Variants in CCSER1 observed in about 807,000 individuals in gnomAD.
CCSER1 encodes serine-rich coiled-coil domain-containing protein 1.
CCSER1 carries 41 observed loss-of-function variants against 82.0 expected under a neutral mutation model. The ratio of observed to expected loss-of-function variants is 0.50; its 90% CI spans 0.39 to 0.65. CCSER1 has a LOEUF of 0.65. Ranked by LOEUF, CCSER1 falls within the 30% of genes least tolerant of loss-of-function variation. The probability of loss-of-function intolerance (pLI) is 0.00; values close to 1 mark genes in which losing one functional copy is unlikely to be tolerated. For missense variants in CCSER1, 1,119 were observed against 1,064.2 expected, an observed-to-expected ratio of 1.05 and a Z score of -0.72; for synonymous variants, 414 against 383.9, an observed-to-expected ratio of 1.08 and a Z score of -0.92.
intron 10 of CCSER1, among the ~76,000 whole-genome samples, chr4:91,270,909 A>C (rs1741975091): frequency 6.6e-6 from 1 of 152,194 alleles, no homozygotes; most frequent in Non-Finnish European, 1.5e-5. Flanking sequence ...AATAAATGTA[A>C]TGATATTCAT....
Position 91,150,758 on chromosome 4 carries a change from A to G in CCSER1, c.2217+64764A>G, listed in dbSNP as rs1581653676. On this transcript the variant is annotated intron_variant, in intron 10 of 10. Coordinates refer to ENST00000509176, the MANE Select transcript of CCSER1 (RefSeq NM_001145065.2). Reference sequence around the variant, plus strand: ...GGTTTTTGTCTTTGGTTCTGTTTATATGATGGATTACATTTATTGATTTGC... The same window carrying G: ...GGTTTTTGTCTTTGGTTCTGTTTATGTGATGGATTACATTTATTGATTTGC... 4.6e-5 allele frequency among the ~76,000 whole-genome samples: 7 copies of G among 152,240 alleles called. 1 individual carries two copies. The South Asian group carries it at 1.5e-3, about 32-fold the overall frequency.
intron 1 of CCSER1, among the ~76,000 whole-genome samples, chr4:90,208,540 C>T (rs542611394): frequency 1.7e-4 from 25 of 150,628 alleles, no homozygotes; most frequent in African/African-American, 6.1e-4. Context: ...ATTCCAGGCA[C>T]CACTGGGGTA....
At chr4:91,179,837 G>A (rs1172247237) in intron 10 of CCSER1, among the ~76,000 whole-genome samples, 1 of 152,208 alleles carries the variant, frequency 6.6e-6, no homozygotes, top group African/African-American at 2.4e-5. Flanking sequence ...GTCTAGCCTT[G>A]TTCCATTGCT....
At chr4:90,592,532 T>C (rs1191324657) in intron 5 of CCSER1, among the ~76,000 whole-genome samples, 1 of 152,202 alleles carries the variant, frequency 6.6e-6, no homozygotes, top group African/African-American at 2.4e-5. Flanking sequence ...TGCCTTGCTA[T>C]GAATAAAGTA....
intron 1 of CCSER1, among the ~76,000 whole-genome samples, chr4:90,147,991 C>A (rs917984435): frequency 6.6e-5 from 10 of 152,244 alleles, no homozygotes; most frequent in Non-Finnish European, 1.3e-4. Context: ...ATGGCAAAAC[C>A]CTGTTTCTAC....
At chr4:91,375,806 C>T (rs2149329923) in intron 10 of CCSER1, among the ~76,000 whole-genome samples, 1 of 151,794 alleles carries the variant, frequency 6.6e-6, no homozygotes, top group East Asian at 1.9e-4. Context: ...GGTACAAAAC[C>T]AAAGGGATTA....
chr4:91,428,287 T>C (rs1393620745), intron 10 of CCSER1, among the ~76,000 whole-genome samples: 4 of 152,084 alleles, frequency 2.6e-5, no homozygotes, highest in Admixed American at 6.5e-5. Context: ...AATATAATTG[T>C]ACACATTGTA....
At chr4:91,114,298 T>C (rs1200350060) in intron 10 of CCSER1, among the ~76,000 whole-genome samples, 3 of 152,330 alleles carry the variant, frequency 2.0e-5, no homozygotes, top group East Asian at 3.9e-4. Context: ...AGGGTGTATT[T>C]ACTCTGAGAC....
chr4:90,503,076 A>G (rs539293369), intron 5 of CCSER1, among the ~76,000 whole-genome samples: 2 of 152,336 alleles, frequency 1.3e-5, no homozygotes, highest in Admixed American at 1.3e-4. Context: ...TAAATGCAAA[A>G]GTCCTACAAG....
chr4:90,989,723 G>C (rs1467294137), intron 9 of CCSER1, among the ~76,000 whole-genome samples: 1 of 151,680 alleles, frequency 6.6e-6, no homozygotes, highest in Non-Finnish European at 1.5e-5. Context: ...TGATCTTTGG[G>C]TTAGAGCTTC....
intron 10 of CCSER1, among the ~76,000 whole-genome samples, chr4:91,459,714 G>A (rs1316269371): frequency 6.6e-6 from 1 of 152,114 alleles, no homozygotes; most frequent in Non-Finnish European, 1.5e-5. Context: ...CACTATACCA[G>A]AGAGTAAATC....
At chr4:90,526,575 T>C (rs1773791487) in intron 5 of CCSER1, among the ~76,000 whole-genome samples, 1 of 152,178 alleles carries the variant, frequency 6.6e-6, no homozygotes, top group South Asian at 2.1e-4. Context: ...CCTGTGTCTA[T>C]GTGTTCTCAT....
Position 90,304,273 on chromosome 4 carries a change from C to T in CCSER1, c.-41-3971C>T, listed in dbSNP as rs370018076. Among the ~76,000 whole-genome samples the T allele has an allele frequency of 6.4e-4, 98 of 152,304 alleles. 1 individual carries two copies. The highest frequency in any genetic ancestry group is 2.0e-3 in the Admixed American group (30 of 15,300). Reference sequence around the variant, plus strand: ...CAGGGATCTAGAACTACAAATACCACTTGACCCAGCCATCCCATTACTGGG... The same window carrying T: ...CAGGGATCTAGAACTACAAATACCATTTGACCCAGCCATCCCATTACTGGG... On this transcript the variant is annotated intron_variant, in intron 1 of 10. Transcript: ENST00000509176.
intron 10 of CCSER1, among the ~76,000 whole-genome samples, chr4:91,402,873 T>C (rs1578371234): frequency 6.6e-6 from 1 of 152,348 alleles, no homozygotes; most frequent in African/African-American, 2.4e-5. Context: ...GTCTTGGCAA[T>C]GAGTGCTCTT....
chr4:90,961,724 A>G (rs965681511), intron 9 of CCSER1, among the ~76,000 whole-genome samples: 6 of 151,990 alleles, frequency 3.9e-5, no homozygotes, highest in African/African-American at 1.4e-4. Flanking sequence ...TACACTTTTA[A>G]TTACTATTCA....
At chr4:91,236,152 A>T (rs1738989233) in intron 10 of CCSER1, among the ~76,000 whole-genome samples, 1 of 152,162 alleles carries the variant, frequency 6.6e-6, no homozygotes, top group Non-Finnish European at 1.5e-5. Flanking sequence ...ACTTTGTCCA[A>T]ATGGCTAATT....
At chr4:90,450,347 G>A (rs9993055) in intron 4 of CCSER1, among the ~76,000 whole-genome samples, 455 of 152,264 alleles carry the variant, frequency 3.0e-3, no homozygotes, top group African/African-American at 0.011. Context: ...CACTAGAGTC[G>A]TTTCACCTTT....
At chr4:91,350,743 A>C (rs1365140765) in intron 10 of CCSER1, among the ~76,000 whole-genome samples, 1 of 152,036 alleles carries the variant, frequency 6.6e-6, no homozygotes, top group Non-Finnish European at 1.5e-5. Flanking sequence ...AATATTAATA[A>C]ATGTATAATT....
intron 5 of CCSER1, among the ~76,000 whole-genome samples, chr4:90,569,246 T>A (rs1779822226): frequency 6.6e-6 from 1 of 151,548 alleles, no homozygotes; most frequent in Admixed American, 6.6e-5. Flanking sequence ...AAAAAAAACA[T>A]AACTCTGGTT....
Sources: allele counts gnomAD v4.1 joint callset (sites outside exome capture counted in the v4.1 genomes callset), GRCh38; gene constraint gnomAD v4.1.1; transcripts MANE v1.5; gene names NCBI Gene and HGNC (gene_info 2026-07-23, HGNC 2026-07-21).